The following PPM1G variants were observed in gnomAD, a reference collection of about 807,000 sequenced individuals.
PPM1G encodes the protein protein phosphatase, Mg2+/Mn2+ dependent 1G.
In PPM1G, 12 loss-of-function variants were observed where a neutral mutation model predicts 59.4. That is an observed-to-expected ratio of 0.20 (90% CI 0.13 to 0.33). The LOEUF is 0.33. PPM1G is among the 10% of genes least tolerant of loss of function. PPM1G has a pLI of 1.00. For synonymous variants in PPM1G, 245 were observed against 251.9 expected (o/e 0.97, Z 0.26); for missense variants, 392 against 681.3 (o/e 0.58, Z 4.73).
chr2:27,388,205 TCAA>T (rs1406789884), intron 1 of PPM1G, among the ~76,000 whole-genome samples: 1 of 150,984 alleles, frequency 6.6e-6, no homozygotes, highest in African/African-American at 2.4e-5. Flanking sequence ...AGTCAAGAGA[TCAA>T]TACCATCCTG....
intron 1 of PPM1G, among the ~76,000 whole-genome samples, chr2:27,400,175 T>C (rs1187467344): frequency 2.0e-5 from 3 of 152,052 alleles, no homozygotes; most frequent in Non-Finnish European, 4.4e-5. Flanking sequence ...GGCAGGCGGA[T>C]TGCCTGAGCT....
At chr2:27,394,475 A>T (rs1683994768) in intron 1 of PPM1G, among the ~76,000 whole-genome samples, 1 of 151,976 alleles carries the variant, frequency 6.6e-6, no homozygotes, top group Non-Finnish European at 1.5e-5. Flanking sequence ...ACCCCCCTGT[A>T]ATCCCACCAC....
intron 1 of PPM1G, among the ~76,000 whole-genome samples, chr2:27,403,159 A>G (rs997954741): frequency 2.0e-5 from 3 of 152,102 alleles, no homozygotes; most frequent in African/African-American, 7.2e-5. Flanking sequence ...TAAAAAATAA[A>G]AAGGCCGGGC....
rs552692340 is a variant in PPM1G, at chr2:27,394,721, G to A, written c.121-7563C>T. The stretch of plus-strand genomic sequence containing the variant: ...TCGTGCCACTGCACTCCCGCCTGGT[G>A]ACAGAGTGAGACTCTGTCTTAAAAA... On this transcript the variant is annotated intron_variant, in intron 1 of 9. Coordinates refer to ENST00000344034, the MANE Select transcript of PPM1G (RefSeq NM_177983.3). 4.3e-5 allele frequency among the ~76,000 whole-genome samples: 6 copies of A among 139,620 alleles called. No individual in the cohort carries two copies. The South Asian group carries it at 1.4e-3, about 32-fold the overall frequency. 91.6% of individuals were successfully genotyped at this position (139,620 alleles called of 152,430 possible).
intron 1 of PPM1G, among the ~76,000 whole-genome samples, chr2:27,392,611 T>TG (rs35793123): frequency 0.39 from 39,856 of 101,890 alleles, 5,932 homozygotes; most frequent in South Asian, 0.43. Context: ...ATTTTTTTTT[T>TG]GGGGGGGGGG....
intron 1 of PPM1G, among the ~76,000 whole-genome samples, chr2:27,403,716 A>C (rs879920616): frequency 2.0e-5 from 3 of 151,880 alleles, no homozygotes; most frequent in Non-Finnish European, 2.9e-5. Context: ...GAGAAACCCC[A>C]TCTCTACTAA....
chr2:27,391,549 T>G (rs923496297), intron 1 of PPM1G, among the ~76,000 whole-genome samples: 1 of 152,204 alleles, frequency 6.6e-6, no homozygotes. Context: ...GTTAGGTTCC[T>G]TATAGATTTT....
rs938861865 is a variant in PPM1G at position 27,386,759 on chromosome 2, T to C, written c.190+330A>G. ...TAGTAGAGATGGGGTTTCACCATAT[T>C]GGTCAGGCTGGTCTCGAACTCCTGA... On this transcript the variant is annotated intron_variant, in intron 2 of 9. Transcript: ENST00000344034. The C allele has an allele frequency of 2.1e-5, 4 of 190,496 alleles. No individual in the cohort carries two copies. In the Admixed American group the frequency reaches 2.2e-4, roughly 11 times the overall value. 11.8% of individuals were successfully genotyped at this position (190,496 alleles called of 1,614,324 possible).
chr2:27,401,778 G>A (rs796495922), intron 1 of PPM1G, among the ~76,000 whole-genome samples: 6 of 152,200 alleles, frequency 3.9e-5, no homozygotes, highest in African/African-American at 1.4e-4. Context: ...AGTGAGCTGA[G>A]GCTGCGTCAC....
At chr2:27,388,958 GTAA>G (rs1186795512) in intron 1 of PPM1G, among the ~76,000 whole-genome samples, 2 of 148,516 alleles carry the variant, frequency 1.3e-5, no homozygotes, top group African/African-American at 4.9e-5. Flanking sequence ...TGAGATTTGG[GTAA>G]TAATTTCTAC....
intron 1 of PPM1G, among the ~76,000 whole-genome samples, chr2:27,402,082 A>C (rs567864620): frequency 1.3e-5 from 2 of 152,230 alleles, no homozygotes; most frequent in African/African-American, 4.8e-5. Flanking sequence ...TCAAATACTA[A>C]ATATGATTAA....
At chr2:27,402,861 A>G (rs1684218475) in intron 1 of PPM1G, among the ~76,000 whole-genome samples, 1 of 149,840 alleles carries the variant, frequency 6.7e-6, no homozygotes, top group Non-Finnish European at 1.5e-5. Flanking sequence ...AATAAAATAA[A>G]CATAAATAAA....
At chr2:27,400,646 A>G (rs916417831) in intron 1 of PPM1G, among the ~76,000 whole-genome samples, 1 of 152,174 alleles carries the variant, frequency 6.6e-6, no homozygotes, top group Admixed American at 6.5e-5. Context: ...GATAAGAAAA[A>G]GAGTTAACTA....
chr2:27,392,991 T>TA lies in PPM1G; in HGVS notation c.121-5834dup, dbSNP rs2148422579. On this transcript the variant is annotated intron_variant, in intron 1 of 9. Transcript: ENST00000344034. ...CAGTGGCCAGTTTGTGCAGTTCCAG[T>TA]AGTGACTGATTCACATTTTTTTCCA... 19 of 1,519,192 alleles carry TA rather than the reference T, an allele frequency of 1.3e-5. No individual in the cohort carries two copies. In the South Asian group the frequency reaches 1.7e-4, roughly 13 times the overall value. 94.1% of individuals were successfully genotyped at this position (1,519,192 alleles called of 1,614,324 possible). A position where few individuals can be genotyped will look rare whatever the true frequency, so the allele number is the denominator to read the frequency against.
At chr2:27,408,127 A>G (rs2148429930) in intron 1 of PPM1G, among the ~76,000 whole-genome samples, 1 of 152,308 alleles carries the variant, frequency 6.6e-6, no homozygotes, top group South Asian at 2.1e-4. Context: ...ACCTAATTAT[A>G]AAATTGTTAT....
intron 1 of PPM1G, among the ~76,000 whole-genome samples, chr2:27,389,251 T>TAC (rs931494272): frequency 1.2e-4 from 18 of 152,164 alleles, no homozygotes; most frequent in South Asian, 4.2e-4. Flanking sequence ...TATATATATA[T>TAC]ACACACACAC....
chr2:27,396,853 G>GT (rs1363353008), intron 1 of PPM1G, among the ~76,000 whole-genome samples: 1 of 149,944 alleles, frequency 6.7e-6, no homozygotes, highest in Non-Finnish European at 1.5e-5. Flanking sequence ...GACTAAGATG[G>GT]TAATTTTTAT....
In PPM1G at chr2:27,384,615, G is replaced by A. The variant is rs1683717736; in HGVS notation, c.825+58C>T. The A allele has an allele frequency of 6.5e-7, 1 of 1,529,430 alleles. No homozygotes were observed. The highest frequency in any genetic ancestry group is 1.4e-5 in the African/African-American group (1 of 72,330). The allele number at this position is 1,529,430 out of a possible 1,614,324, so 94.7% of individuals were successfully genotyped here. On this transcript the variant is annotated intron_variant, in intron 5 of 9. Transcript: ENST00000344034. The surrounding 1 kb of genome is among the most constrained non-coding windows in gnomAD (Gnocchi z 4.8). ...GAAAGAGAGTTGAAAACTACAGACG[G>A]CAACCAAACAGGACCTCTCTGCAAC...
intron 1 of PPM1G, among the ~76,000 whole-genome samples, chr2:27,400,796 T>C (rs911721915): frequency 1.3e-5 from 2 of 152,196 alleles, no homozygotes; most frequent in Non-Finnish European, 2.9e-5. Flanking sequence ...CTAGCATCTC[T>C]TTCCTGGTTA....
Sources: allele counts gnomAD v4.1 joint callset (sites outside exome capture counted in the v4.1 genomes callset), GRCh38; gene constraint gnomAD v4.1.1; non-coding constraint Gnocchi (gnomAD v3.1); transcripts MANE v1.5; gene names NCBI Gene and HGNC (gene_info 2026-07-23, HGNC 2026-07-21).